The following TECPR2 variants were observed in gnomAD, a reference collection of about 807,000 sequenced individuals.
The protein encoded by TECPR2 is tectonin beta-propeller repeat-containing protein 2.
In TECPR2, 65 loss-of-function variants were observed where a neutral mutation model predicts 138.1. That is an observed-to-expected ratio of 0.47 (90% confidence interval 0.39 to 0.58). TECPR2 has a LOEUF of 0.58. Ranked by LOEUF, TECPR2 falls within the 20% of genes least tolerant of loss-of-function variation. The probability of loss-of-function intolerance (pLI) is 0.00; values close to 1 mark genes in which losing one functional copy is unlikely to be tolerated. For synonymous variants in TECPR2, 746 were observed against 749.8 expected (o/e 0.99, Z 0.08); for missense variants, 1,553 against 1,824.5 (o/e 0.85, Z 2.71).
chr14:102,476,398 A>G (rs1339535548), intron 17 of TECPR2, among the ~76,000 whole-genome samples: 5 of 151,706 alleles, frequency 3.3e-5, no homozygotes, highest in Non-Finnish European at 4.4e-5. Context: ...AACAAAAAAC[A>G]ACAACTCAAA....
chr14:102,457,959 C>T (rs1354905610), intron 16 of TECPR2, among the ~76,000 whole-genome samples: 5 of 147,722 alleles, frequency 3.4e-5, no homozygotes, highest in East Asian at 2.0e-4. Context: ...CTGCAACCTC[C>T]GTCTCCTAGG....
intron 17 of TECPR2, among the ~76,000 whole-genome samples, chr14:102,465,926 G>A (rs1890542153): frequency 2.6e-5 from 4 of 152,120 alleles, no homozygotes; most frequent in Admixed American, 2.6e-4. Context: ...TTTATAACTG[G>A]GGGCTGTGGT....
At chr14:102,455,029 G>A (rs1351783743) in intron 16 of TECPR2, among the ~76,000 whole-genome samples, 3 of 152,330 alleles carry the variant, frequency 2.0e-5, no homozygotes, top group South Asian at 4.1e-4. Context: ...GGTCTCTAAG[G>A]TGTGTATTTG....
chr14:102,439,648 A>G (rs185692921), intron 10 of TECPR2, among the ~76,000 whole-genome samples: 83 of 152,266 alleles, frequency 5.5e-4, no homozygotes, highest in Non-Finnish European at 1.1e-3. Context: ...CTGTATCTCC[A>G]TGAGATTCAC....
chr14:102,437,962 C>A (rs529048012), intron 9 of TECPR2, 60 bp from the exon 10 acceptor site: 33 of 1,569,510 alleles, frequency 2.1e-5, no homozygotes, highest in Non-Finnish European at 2.9e-5. Context: ...TTACTGAGAA[C>A]AGTAAGCCAA....
Position 102,438,059 on chromosome 14 carries a change from A to G in TECPR2, c.2432A>G (p.Tyr811Cys), listed in dbSNP as rs1402733080. The G allele has an allele frequency of 1.9e-6, 3 of 1,613,998 alleles. No individual in the cohort carries two copies. Among genetic ancestry groups the G allele is most frequent in the South Asian group, 2.2e-5 (2 of 91,088 alleles). Reference sequence around the variant, plus strand: ...TGGATGGGCTACTCGGGTCCCGGCTATGGCATCCTCAGCTTGGTGGTCTCC... The same window carrying G: ...TGGATGGGCTACTCGGGTCCCGGCTGTGGCATCCTCAGCTTGGTGGTCTCC... ...ESWMGYSGPGYGILSLVVSEK... is the reference protein window; with the variant it reads ...ESWMGYSGPGCGILSLVVSEK... The change falls in exon 10 of 20, where the codon TAT (tyrosine) becomes TGT (cysteine). Residue 811 changes from tyrosine (Y) to cysteine (C), a missense_variant. Coordinates refer to ENST00000359520, the MANE Select transcript of TECPR2 (RefSeq NM_014844.5).
intron 5 of TECPR2, among the ~76,000 whole-genome samples, chr14:102,421,357 A>C (rs947346797): frequency 2.6e-5 from 4 of 152,256 alleles, no homozygotes; most frequent in Non-Finnish European, 5.9e-5. Flanking sequence ...CCACGATGTC[A>C]AAACACCCTT....
rs1206880967 is a variant in TECPR2, at chr14:102,415,642, G to A, written c.638+849G>A. On this transcript the variant is annotated intron_variant, in intron 5 of 19. Coordinates refer to ENST00000359520, the MANE Select transcript of TECPR2 (RefSeq NM_014844.5). This position sits in a 1 kb window ranked among gnomAD's most constrained non-coding sequence, Gnocchi z 4.3. Reference sequence around the variant, plus strand: ...GGAGGAGGTAGACTGGGGCCAACGTGGGGGTGGGAAGCAGAGGGCGGCATT... The same window carrying A: ...GGAGGAGGTAGACTGGGGCCAACGTAGGGGTGGGAAGCAGAGGGCGGCATT... 2.0e-5 allele frequency among the ~76,000 whole-genome samples: 3 copies of A among 152,128 alleles called. No homozygotes were observed. Among genetic ancestry groups the A allele is most frequent in the African/African-American group, 7.2e-5 (3 of 41,408 alleles).
chr14:102,447,436 A>G (rs966539389), intron 13 of TECPR2, among the ~76,000 whole-genome samples: 8 of 151,988 alleles, frequency 5.3e-5, no homozygotes, highest in Admixed American at 4.6e-4. Context: ...AGGAGTGTCT[A>G]CTTTCCCCTT....
rs545244425 is a variant in TECPR2, at chr14:102,382,780, C to T, written c.219+5840C>T. Among the ~76,000 whole-genome samples, 6 of 150,624 alleles carry T rather than the reference C, an allele frequency of 4.0e-5. No individual in the cohort carries two copies. The East Asian group carries it at 7.8e-4, about 20-fold the overall frequency. On this transcript the variant is annotated intron_variant, in intron 2 of 19. Transcript: ENST00000359520. Reference sequence around the variant, plus strand: ...TTGCAAATCTTTTTTTTTTTCGAGACGGAGTTTTGCTCTTGTTGCCCAGGC... The same window carrying T: ...TTGCAAATCTTTTTTTTTTTCGAGATGGAGTTTTGCTCTTGTTGCCCAGGC...
At chr14:102,441,872 T>C (rs1377502825) in intron 11 of TECPR2, among the ~76,000 whole-genome samples, 1 of 152,202 alleles carries the variant, frequency 6.6e-6, no homozygotes, top group Non-Finnish European at 1.5e-5. Flanking sequence ...TTTATCAGTA[T>C]CTGGAAGGAC....
intron 17 of TECPR2, among the ~76,000 whole-genome samples, chr14:102,477,956 A>AG (rs1890803845): frequency 2.0e-5 from 3 of 148,860 alleles, no homozygotes; most frequent in Admixed American, 2.0e-4. Context: ...AAAAAAAAAA[A>AG]AGAGTTAGCC....
At chr14:102,424,095 G>A (rs556972390) in intron 5 of TECPR2, among the ~76,000 whole-genome samples, 2 of 152,288 alleles carry the variant, frequency 1.3e-5, no homozygotes, top group South Asian at 4.1e-4. Context: ...ACAGCATTGA[G>A]TGTACTGACA....
chr14:102,491,194 C>T (rs1299983980), intron 17 of TECPR2, among the ~76,000 whole-genome samples: 4 of 152,134 alleles, frequency 2.6e-5, no homozygotes, highest in East Asian at 3.9e-4. Context: ...GCGCTCAGCC[C>T]ACATCTCTCC....
chr14:102,484,830 G>A (rs1384421714), intron 17 of TECPR2, among the ~76,000 whole-genome samples: 683 of 150,828 alleles, frequency 4.5e-3, no homozygotes, highest in African/African-American at 0.016. Context: ...GCTAATTTTT[G>A]TATTTTTGGT....
chr14:102,445,880 G>A lies in TECPR2; in HGVS notation c.3008G>A (p.Gly1003Glu). ...QQTLWALDIH[G>E]NLWFRTGIIS... ...ACTCTCTGGGCCCTGGACATCCATG[G>A]GAACCTGTGGTTCAGAACTGGCATT... The change falls in exon 13 of 20, where the codon GGG becomes GAG. Residue 1003 changes from glycine to glutamate, a missense_variant. Coordinates refer to ENST00000359520, the MANE Select transcript of TECPR2 (RefSeq NM_014844.5). 3 of 1,613,862 alleles carry A rather than the reference G, an allele frequency of 1.9e-6. No homozygotes were observed. Among genetic ancestry groups the A allele is most frequent in the Non-Finnish European group, 2.5e-6 (3 of 1,179,978 alleles).
At chr14:102,440,345 C>G in intron 10 of TECPR2, 91 bp from the exon 11 acceptor site, 1 of 1,502,652 alleles carries the variant, frequency 6.7e-7, no homozygotes, top group South Asian at 1.3e-5. Context: ...TTTTAGAAAT[C>G]TTTCTCCCCT....
intron 17 of TECPR2, among the ~76,000 whole-genome samples, chr14:102,489,378 G>A (rs547217771): frequency 2.0e-5 from 3 of 151,888 alleles, no homozygotes; most frequent in African/African-American, 7.2e-5. Flanking sequence ...CAGTACTTTG[G>A]GAGGCTGAGG....
intron 17 of TECPR2, among the ~76,000 whole-genome samples, chr14:102,470,242 T>A (rs1003841471): frequency 1.3e-5 from 2 of 152,154 alleles, no homozygotes; most frequent in African/African-American, 4.8e-5. Context: ...AGGCCTGAAC[T>A]TTTTTTGTGG....
Sources: allele counts gnomAD v4.1 joint callset (sites outside exome capture counted in the v4.1 genomes callset), GRCh38; gene constraint gnomAD v4.1.1; non-coding constraint Gnocchi (gnomAD v3.1); transcripts MANE v1.5; gene names NCBI Gene and HGNC (gene_info 2026-07-23, HGNC 2026-07-21).